Variants in UGCG observed in about 807,000 individuals in gnomAD.
The protein encoded by UGCG is UDP-glucose ceramide glucosyltransferase, also known as ceramide glucosyltransferase.
Under a neutral mutation model 49.5 loss-of-function variants are expected in UGCG, and 10 were observed. The ratio of observed to expected loss-of-function variants is 0.20; its 90% CI spans 0.12 to 0.34. The LOEUF (loss-of-function observed/expected upper bound fraction) is 0.34. UGCG is among the 10% of genes least tolerant of loss of function. The pLI is 1.00. For synonymous variants in UGCG, 182 were observed against 158.2 expected (o/e 1.15, Z -1.13); for missense variants, 312 against 483.7 (o/e 0.65, Z 3.33).
At chr9:111,901,503 A>G (rs989936396) in intron 1 of UGCG, among the ~76,000 whole-genome samples, 3 of 152,172 alleles carry the variant, frequency 2.0e-5, no homozygotes, top group South Asian at 2.1e-4. Context: ...GAATTAGACT[A>G]TAGTGTGATA....
At chr9:111,900,783 A>G (rs1181268949) in intron 1 of UGCG, among the ~76,000 whole-genome samples, 1 of 152,088 alleles carries the variant, frequency 6.6e-6, no homozygotes, top group Non-Finnish European at 1.5e-5. Flanking sequence ...GTGAGCCATC[A>G]TGCCTGGCCC....
Position 111,897,163 on chromosome 9 carries a change from C to T in UGCG, c.-53C>T. The T allele has an allele frequency of 6.7e-7, 1 of 1,486,348 alleles. No homozygotes were observed. The highest frequency in any genetic ancestry group is 9.0e-7 in the Non-Finnish European group (1 of 1,105,338). The allele number at this position is 1,486,348 out of a possible 1,614,324, so 92.1% of individuals were successfully genotyped here. A position where few individuals can be genotyped will look rare whatever the true frequency, so the allele number is the denominator to read the frequency against. On this transcript the variant is annotated 5_prime_UTR_variant, in exon 1 of 9. Coordinates refer to ENST00000374279, the MANE Select transcript of UGCG (RefSeq NM_003358.3). ...CCACCCTGTCCTCCTCCTGCGGGAG[C>T]GTTGTCCGTGTTGGCGGCCGCAGCG...
intron 2 of UGCG, chr9:111,915,970 G>A (rs937125731): frequency 1.9e-5 from 4 of 210,380 alleles, no homozygotes; most frequent in African/African-American, 9.4e-5. Context: ...GTTCTAGTTT[G>A]TGTGTGTTTA....
intron 2 of UGCG, among the ~76,000 whole-genome samples, chr9:111,919,461 T>TGACA (rs1454211195): frequency 3.3e-5 from 5 of 151,468 alleles, no homozygotes; most frequent in Admixed American, 6.6e-5. Context: ...CCAGCCTGGG[T>TGACA]GACAGTGAAA....
intron 1 of UGCG, among the ~76,000 whole-genome samples, chr9:111,912,255 T>C (rs1048787202): frequency 6.6e-6 from 1 of 152,020 alleles, no homozygotes; most frequent in East Asian, 1.9e-4. Context: ...TTTTCCAAAC[T>C]ATCTATGGCA....
intron 2 of UGCG, among the ~76,000 whole-genome samples, chr9:111,916,298 A>G (rs1018204364): frequency 4.6e-5 from 7 of 152,140 alleles, no homozygotes; most frequent in African/African-American, 1.7e-4. Context: ...TCATTGTGAA[A>G]CTTAATCTCA....
Position 111,933,145 on chromosome 9 carries a change from A to C in UGCG, c.*148A>C. On this transcript the variant is annotated 3_prime_UTR_variant, in exon 9 of 9. Coordinates refer to ENST00000374279, the MANE Select transcript of UGCG (RefSeq NM_003358.3). Reference sequence around the variant, plus strand: ...TAATTTATTTTTGCATGGCACTTGCATCTGTGAAAAAAAAAAAAAACACAT... The same window carrying C: ...TAATTTATTTTTGCATGGCACTTGCCTCTGTGAAAAAAAAAAAAAACACAT... The C allele has an allele frequency of 1.4e-6, 1 of 689,658 alleles. No individual in the cohort carries two copies. The highest frequency in any genetic ancestry group is 2.0e-6 in the Non-Finnish European group (1 of 499,922). 42.7% of individuals were successfully genotyped at this position (689,658 alleles called of 1,614,324 possible). A position where few individuals can be genotyped will look rare whatever the true frequency, so the allele number is the denominator to read the frequency against.
Position 111,930,423 on chromosome 9 carries a change from A to G in UGCG, c.737+745A>G, listed in dbSNP as rs150919527. ...GCTAAGAAGCCACTGAAAGATTCAT[A>G]TGACTGACTTAGCATTTCTCTATCA... On this transcript the variant is annotated intron_variant, in intron 6 of 8. Coordinates refer to ENST00000374279, the MANE Select transcript of UGCG (RefSeq NM_003358.3). Among the ~76,000 whole-genome samples the G allele has an allele frequency of 1.7e-3, 257 of 151,660 alleles. 1 individual carries two copies. Among genetic ancestry groups the G allele is most frequent in the African/African-American group, 5.7e-3 (236 of 41,352 alleles).
In UGCG at chr9:111,897,303, A is replaced by G. The variant is rs758911706; in HGVS notation, c.88A>G (p.Ile30Val). The G allele has an allele frequency of 4.8e-5, 74 of 1,556,218 alleles. No individual in the cohort carries two copies. Among genetic ancestry groups the G allele is most frequent in the Admixed American group, 3.9e-4 (20 of 51,630 alleles). The stretch of plus-strand genomic sequence containing the variant: ...GCTGTGGCTGATGCATTTCATGGCT[A>G]TCATCTACACGTGAGTGAGGGACCG... ...LVLWLMHFMA[I>V]IYTRLHLNKK... The change falls in exon 1 of 9, where the codon ATC becomes GTC. Residue 30 changes from isoleucine to valine, a missense_variant. Physicochemically the swap from Ile to Val is conservative, Grantham distance 29. Around this residue, in one of 4 missense-constraint regions of UGCG, gnomAD observed 65 missense variants for 74.7 expected, o/e 0.87. Transcript: ENST00000374279.
chr9:111,906,423 G>GTGTTTTGTTT lies in UGCG; in HGVS notation c.99-8164_99-8155dup, dbSNP rs374371753. Among the ~76,000 whole-genome samples the GTGTTTTGTTT allele has an allele frequency of 2.6e-3, 392 of 151,570 alleles. 1 individual carries two copies. The highest frequency in any genetic ancestry group is 0.01 in the Middle Eastern group (3 of 294). The stretch of plus-strand genomic sequence containing the variant: ...TCCTTCGCTTGTTTCTTTTGTGTGT[G>GTGTTTTGTTT]TGTTTTGTTTTGTTTTGTTTTGTTT... On this transcript the variant is annotated intron_variant, in intron 1 of 8. Coordinates refer to ENST00000374279, the MANE Select transcript of UGCG (RefSeq NM_003358.3).
intron 1 of UGCG, among the ~76,000 whole-genome samples, chr9:111,908,042 G>A (rs80032449): frequency 1.3e-3 from 194 of 150,880 alleles, no homozygotes; most frequent in African/African-American, 4.3e-3. Context: ...TCAGGTGGGA[G>A]AGAGTAAATC....
intron 2 of UGCG, among the ~76,000 whole-genome samples, chr9:111,916,230 G>T (rs144233611): frequency 4.7e-4 from 71 of 152,258 alleles, no homozygotes; most frequent in South Asian, 1.2e-3. Flanking sequence ...ACGAATGAAA[G>T]AAATTTTCTA....
chr9:111,929,845 G>A (rs1589530016), intron 6 of UGCG, among the ~76,000 whole-genome samples, 167 bp downstream of exon 6: 2 of 152,124 alleles, frequency 1.3e-5, no homozygotes, highest in Non-Finnish European at 2.9e-5. Context: ...TTGAGACAGA[G>A]TCTTGCTCTG....
rs1194798414 is a variant in UGCG, at chr9:111,934,336, G to C, written c.*1339G>C. 6.6e-6 allele frequency: 1 copy of C among 151,140 alleles called. No homozygotes were observed. Among genetic ancestry groups the C allele is most frequent in the Admixed American group, 6.6e-5 (1 of 15,166 alleles). 9.4% of individuals were successfully genotyped at this position (151,140 alleles called of 1,614,324 possible). A position where few individuals can be genotyped will look rare whatever the true frequency, so the allele number is the denominator to read the frequency against. On this transcript the variant is annotated 3_prime_UTR_variant, in exon 9 of 9. Coordinates refer to ENST00000374279, the MANE Select transcript of UGCG (RefSeq NM_003358.3). ...GCTTAACTTGTGGTGAACTGGACTT[G>C]ATTCTGTTTTGTTTTGTTTTTTTAA...
intron 1 of UGCG, among the ~76,000 whole-genome samples, chr9:111,913,598 AAT>A (rs1491250129): frequency 9.5e-6 from 1 of 104,736 alleles, no homozygotes; most frequent in African/African-American, 3.6e-5. Context: ...ACGCCCAGCT[AAT>A]TTTTTTTTTT....
Position 111,924,835 on chromosome 9 carries a change from T to G in UGCG, c.402T>G (p.Val134=). Residue 134 remains valine, a synonymous_variant, in exon 4 of 9, where the codon GTT becomes GTG. Coordinates refer to ENST00000374279, the MANE Select transcript of UGCG (RefSeq NM_003358.3). Reference sequence around the variant, plus strand: ...ATAATTTAATGCCAGGATATGAAGTTGCAAAGTATGATCTTATATGGATTT... The same window carrying G: ...ATAATTTAATGCCAGGATATGAAGTGGCAAAGTATGATCTTATATGGATTT... The part of the protein sequence containing the change: ...KINNLMPGYE[V]AKYDLIWICD... 6.5e-7 allele frequency: 1 copy of G among 1,543,472 alleles called. No homozygotes were observed. Among genetic ancestry groups the G allele is most frequent in the Non-Finnish European group, 8.7e-7 (1 of 1,152,188 alleles).
intron 1 of UGCG, among the ~76,000 whole-genome samples, chr9:111,908,070 T>C (rs947355229): frequency 1.3e-5 from 2 of 151,600 alleles, no homozygotes; most frequent in Non-Finnish European, 2.9e-5. Context: ...CGTTTCTTCA[T>C]CTTGTCCAAA....
chr9:111,926,581 T>A, intron 5 of UGCG, 85 bp downstream of exon 5: 1 of 1,025,448 alleles, frequency 9.8e-7, no homozygotes, highest in Non-Finnish European at 1.4e-6. Flanking sequence ...TGGAATTAGG[T>A]ATCTCAAGTT....
chr9:111,924,909 A>C, intron 4 of UGCG, 31 bp downstream of exon 4: 1 of 1,289,362 alleles, frequency 7.8e-7, no homozygotes, highest in Non-Finnish European at 1.0e-6. Flanking sequence ...ATTTTATAAA[A>C]CTATTAATTT....
Sources: gnomAD v4.1 joint callset for allele counts (sites outside exome capture counted in the v4.1 genomes callset) on GRCh38, gnomAD v4.1.1 for gene constraint, gnomAD v4.1.1 regional missense constraint, MANE v1.5 for transcripts, NCBI Gene and HGNC (gene_info 2026-07-23, HGNC 2026-07-21) for gene names.